Variants in SMAP1 observed in about 807,000 individuals in gnomAD.
SMAP1 encodes small ArfGAP 1.
SMAP1 carries 24 observed loss-of-function variants against 58.5 expected under a neutral mutation model. That is an observed-to-expected ratio of 0.41 (90% CI 0.30 to 0.58). SMAP1 has a LOEUF of 0.58. SMAP1 is among the 20% of genes least tolerant of loss of function. The probability of loss-of-function intolerance (pLI) is 0.29; values close to 1 mark genes in which losing one functional copy is unlikely to be tolerated. For missense variants in SMAP1, 563 were observed against 566.3 expected (o/e 0.99, Z 0.06); for synonymous variants, 216 against 196.6 (o/e 1.10, Z -0.82).
intron 6 of SMAP1, among the ~76,000 whole-genome samples, chr6:70,813,068 ATTTTAGTTG>A (rs923390188): frequency 1.3e-5 from 2 of 151,958 alleles, no homozygotes; most frequent in African/African-American, 4.8e-5. Flanking sequence ...CACTTTTAAC[ATTTTAGTTG>A]TTTCTAGTTC....
At chr6:70,772,313 A>T (rs1767362749) in intron 3 of SMAP1, among the ~76,000 whole-genome samples, 2 of 152,176 alleles carry the variant, frequency 1.3e-5, no homozygotes, top group Admixed American at 1.3e-4. Flanking sequence ...TTTTTAAAAA[A>T]TTTTTATGAA....
At chr6:70,764,375 A>G (rs1441427191) in intron 3 of SMAP1, among the ~76,000 whole-genome samples, 1 of 152,240 alleles carries the variant, frequency 6.6e-6, no homozygotes, top group Non-Finnish European at 1.5e-5. Flanking sequence ...AGAAGATGCC[A>G]TTGAGGACGT....
chr6:70,686,026 C>G (rs1766924236), intron 1 of SMAP1, among the ~76,000 whole-genome samples: 1 of 152,094 alleles, frequency 6.6e-6, no homozygotes, highest in Non-Finnish European at 1.5e-5. Flanking sequence ...CCTCAGCCTC[C>G]CAGGTAGCTG....
chr6:70,820,851 A>C (rs1486805174), intron 6 of SMAP1, among the ~76,000 whole-genome samples: 1 of 152,200 alleles, frequency 6.6e-6, no homozygotes, highest in Non-Finnish European at 1.5e-5. Context: ...TTTTATAATA[A>C]GCATTATTTA....
chr6:70,741,957 G>A (rs532609109), intron 2 of SMAP1, among the ~76,000 whole-genome samples: 28 of 152,308 alleles, frequency 1.8e-4, no homozygotes, highest in African/African-American at 5.0e-4. Context: ...CCTTTTAGCC[G>A]CAGCTGGAGC....
rs185606220 is a variant in SMAP1, at chr6:70,778,649, G to A, written c.414+5224G>A. On this transcript the variant is annotated intron_variant, in intron 4 of 10. Transcript: ENST00000370455. ...AAGCCCCTGGTTGGGTCATGTGGGCGGTGGTGGCTGTGGCTATGTGGGAGG... is the reference window on the plus strand; with the variant it reads ...AAGCCCCTGGTTGGGTCATGTGGGCAGTGGTGGCTGTGGCTATGTGGGAGG... 4.6e-5 allele frequency among the ~76,000 whole-genome samples: 7 copies of A among 152,350 alleles called. No homozygotes were observed. In the East Asian group the frequency reaches 7.7e-4, roughly 17 times the overall value.
At chr6:70,826,955 A>C (rs868595448) in intron 6 of SMAP1, among the ~76,000 whole-genome samples, 1 of 140,696 alleles carries the variant, frequency 7.1e-6, no homozygotes, top group Non-Finnish European at 1.6e-5. Context: ...AAAAAAAAAA[A>C]AAAAAGAAAA....
chr6:70,789,803 G>A (rs1768266054), intron 4 of SMAP1, among the ~76,000 whole-genome samples: 1 of 150,516 alleles, frequency 6.6e-6, no homozygotes, highest in Non-Finnish European at 1.5e-5. Context: ...AGGTTTTAGT[G>A]AGCTATGATC....
chr6:70,713,921 T>A (rs1041505862), intron 1 of SMAP1, among the ~76,000 whole-genome samples: 8 of 152,222 alleles, frequency 5.3e-5, no homozygotes, highest in African/African-American at 1.7e-4. Flanking sequence ...TTGGGTGCTC[T>A]GATGTTGGGT....
chr6:70,733,835 A>G (rs1048210975), intron 2 of SMAP1, among the ~76,000 whole-genome samples: 1 of 152,166 alleles, frequency 6.6e-6, no homozygotes, highest in Non-Finnish European at 1.5e-5. Context: ...ATCCTTCAAC[A>G]GTTCAGTTAT....
intron 6 of SMAP1, among the ~76,000 whole-genome samples, chr6:70,819,563 C>G (rs1441962962): frequency 6.6e-6 from 1 of 152,076 alleles, no homozygotes; most frequent in Admixed American, 6.6e-5. Context: ...TTCAGTCTCC[C>G]TTTATTCTTC....
intron 1 of SMAP1, 66 bp from the exon 2 acceptor site, chr6:70,732,312 T>C: frequency 6.7e-7 from 1 of 1,495,644 alleles, no homozygotes; most frequent in Non-Finnish European, 9.0e-7. Flanking sequence ...ATGCTTCTAA[T>C]ATGCTGTTAT....
chr6:70,702,770 A>G (rs1009717205), intron 1 of SMAP1, among the ~76,000 whole-genome samples: 4 of 151,740 alleles, frequency 2.6e-5, no homozygotes, highest in South Asian at 2.1e-4. Context: ...AGCTGGGACT[A>G]CAGGTGCGCA....
intron 1 of SMAP1, among the ~76,000 whole-genome samples, chr6:70,671,363 C>T (rs1766256989): frequency 6.6e-6 from 1 of 152,076 alleles, no homozygotes; most frequent in African/African-American, 2.4e-5. Context: ...TTTAAAAGTG[C>T]ATTCAAGACC....
intron 1 of SMAP1, among the ~76,000 whole-genome samples, chr6:70,718,819 C>CG (rs1768388749): frequency 1.7e-5 from 1 of 57,546 alleles, no homozygotes; most frequent in Non-Finnish European, 3.1e-5. Flanking sequence ...GACTCCATCT[C>CG]AAAAAAAAAA....
chr6:70,686,918 C>T (rs1766958770), intron 1 of SMAP1, among the ~76,000 whole-genome samples: 1 of 152,156 alleles, frequency 6.6e-6, no homozygotes, highest in African/African-American at 2.4e-5. Context: ...CCCAAAATGC[C>T]AGTAGTGCCC....
intron 4 of SMAP1, among the ~76,000 whole-genome samples, chr6:70,788,280 TCA>T (rs1424538768): frequency 2.6e-5 from 3 of 117,542 alleles, no homozygotes; most frequent in Non-Finnish European, 4.9e-5. Flanking sequence ...AAGGGGAACA[TCA>T]CACTCTGGGG....
intron 5 of SMAP1, among the ~76,000 whole-genome samples, chr6:70,796,511 G>A (rs1768612363): frequency 6.6e-6 from 1 of 152,226 alleles, no homozygotes; most frequent in Non-Finnish European, 1.5e-5. Context: ...TGGCCCATAG[G>A]AAGCACTTAA....
intron 1 of SMAP1, among the ~76,000 whole-genome samples, chr6:70,674,695 C>T (rs545974706): frequency 3.9e-5 from 6 of 152,184 alleles, no homozygotes; most frequent in South Asian, 2.1e-4. Flanking sequence ...TTTTGGATGC[C>T]GGGTGCAGTG....
Sources: gnomAD v4.1 joint callset for allele counts (sites outside exome capture counted in the v4.1 genomes callset) on GRCh38, gnomAD v4.1.1 for gene constraint, MANE v1.5 for transcripts, NCBI Gene and HGNC (gene_info 2026-07-23, HGNC 2026-07-21) for gene names.